Variants in TPTE observed in about 807,000 individuals in gnomAD.
TPTE encodes the protein transmembrane phosphatase with tensin homology, also known as putative tyrosine-protein phosphatase TPTE.
TPTE carries 59 observed loss-of-function variants against 84.1 expected under a neutral mutation model. The observed-to-expected ratio is 0.70, with a 90% confidence interval of 0.57 to 0.87. The LOEUF (loss-of-function observed/expected upper bound fraction) is 0.87, where lower values mean the gene tolerates loss of function less well. Ranked by LOEUF, TPTE falls within the 40% of genes least tolerant of loss-of-function variation. The pLI, the probability that TPTE is intolerant of heterozygous loss-of-function variation, is 0.00. For missense variants in TPTE, 382 were observed against 659.6 expected, an observed-to-expected ratio of 0.58 and a Z score of 4.61; for synonymous variants, 130 against 223.5, an observed-to-expected ratio of 0.58 and a Z score of 3.73.
chr21:10,537,844 T>G (rs1381026440), intron 3 of TPTE, among the ~76,000 whole-genome samples: 4 of 152,302 alleles, frequency 2.6e-5, no homozygotes, highest in Admixed American at 2.0e-4. Flanking sequence ...AGGTTGAGAT[T>G]AGGGAAGTTC....
At chr21:10,548,586 A>G (rs1447336216) in intron 7 of TPTE, among the ~76,000 whole-genome samples, 3 of 152,300 alleles carry the variant, frequency 2.0e-5, no homozygotes, top group African/African-American at 4.8e-5. Context: ...GACTACCCCC[A>G]GCAGACACAT....
At chr21:10,528,754 C>G (rs1239953593) in intron 3 of TPTE, among the ~76,000 whole-genome samples, 1 of 152,310 alleles carries the variant, frequency 6.6e-6, no homozygotes, top group East Asian at 1.9e-4. Context: ...AAAACAAGTG[C>G]TGCTGCTGTT....
rs753819099 is a variant in TPTE, at chr21:10,598,064, C to A, written c.1326C>A (p.Val442=). ...KIQIEMEKKV[V]FSTISLGKCS... ...AAATAGAAATGGAGAAAAAGGTTGTCTTTTCCACTATTTCATTAGGAAAAT... is the reference window on the plus strand; with the variant it reads ...AAATAGAAATGGAGAAAAAGGTTGTATTTTCCACTATTTCATTAGGAAAAT... The change falls in exon 21 of 24, where the codon GTC becomes GTA. Residue 442 remains valine, a synonymous_variant. Coordinates refer to ENST00000618007, the MANE Select transcript of TPTE (RefSeq NM_199261.4). 2 of 1,613,678 alleles carry A rather than the reference C, an allele frequency of 1.2e-6. No individual in the cohort carries two copies. Among genetic ancestry groups the A allele is most frequent in the African/African-American group, 1.3e-5 (1 of 74,954 alleles).
intron 18 of TPTE, 91 bp downstream of exon 18, chr21:10,590,614 A>G: frequency 1.3e-6 from 2 of 1,585,414 alleles, no homozygotes; most frequent in Non-Finnish European, 1.7e-6. Flanking sequence ...TGATTATTTT[A>G]GTCATGGTGC....
At chr21:10,578,315 A>G (rs370599260) in intron 15 of TPTE, 22 bp from the exon 16 acceptor site, 881 of 1,610,394 alleles carry the variant, frequency 5.5e-4, no homozygotes, top group Non-Finnish European at 7.0e-4. Context: ...TAGAGATATG[A>G]CATACATATT....
intron 14 of TPTE, among the ~76,000 whole-genome samples, chr21:10,571,460 A>T (rs2075041731): frequency 6.6e-6 from 1 of 152,306 alleles, no homozygotes; most frequent in African/African-American, 2.4e-5. Context: ...AAAAGCAAGG[A>T]AACATTACAC....
Position 10,542,524 on chromosome 21 carries a change from G to T in TPTE, c.119+76G>T, listed in dbSNP as rs1200352546. On this transcript the variant is annotated intron_variant, in intron 6 of 23. Transcript: ENST00000618007. ...TATACACACACAGGCACATGAGCAA[G>T]TATACCCCATCCATCCATCCATCCA... 2.0e-6 allele frequency: 3 copies of T among 1,536,550 alleles called. No homozygotes were observed. In the Admixed American group the frequency reaches 5.1e-5, roughly 26 times the overall value.
intron 21 of TPTE, among the ~76,000 whole-genome samples, chr21:10,600,104 A>G (rs1227740109): frequency 5.9e-5 from 6 of 101,774 alleles, no homozygotes; most frequent in African/African-American, 2.2e-4. Flanking sequence ...GCTGCCCGAC[A>G]TTATTTGTTG....
At chr21:10,548,862 G>C (rs1450817522) in intron 7 of TPTE, among the ~76,000 whole-genome samples, 6 of 152,308 alleles carry the variant, frequency 3.9e-5, no homozygotes, top group South Asian at 2.1e-4. Context: ...TCCTGGGCCT[G>C]AGAAACTGTC....
intron 2 of TPTE, among the ~76,000 whole-genome samples, chr21:10,525,067 A>T (rs1205597887): frequency 4.6e-5 from 7 of 152,302 alleles, no homozygotes; most frequent in African/African-American, 1.7e-4. Context: ...GCTCTGTTCA[A>T]GGATGGTAAG....
intron 1 of TPTE, among the ~76,000 whole-genome samples, chr21:10,523,297 G>A (rs2074017375): frequency 7.9e-6 from 1 of 127,218 alleles, no homozygotes; most frequent in Non-Finnish European, 1.8e-5. Context: ...ATGTATGGCA[G>A]AACAGTATTT....
At position 10,547,061 on chromosome 21, in the gene TPTE, C is replaced by A. The variant is rs796882485; in HGVS notation, c.173+3679C>A. Among the ~76,000 whole-genome samples, 3 of 152,426 alleles carry A rather than the reference C, an allele frequency of 2.0e-5. No individual in the cohort carries two copies. The East Asian group carries it at 5.8e-4, about 29-fold the overall frequency. ...GAGAAGTCAACGCATGGTTTCAAAT[C>A]TTCAAAGCACAGGCCAATTCTCTTG... is the stretch of plus-strand genomic sequence containing the variant. On this transcript the variant is annotated intron_variant, in intron 7 of 23. Coordinates refer to ENST00000618007, the MANE Select transcript of TPTE (RefSeq NM_199261.4).
intron 8 of TPTE, among the ~76,000 whole-genome samples, chr21:10,554,067 C>CT (rs56288650): frequency 1.4e-5 from 2 of 145,480 alleles, no homozygotes; most frequent in African/African-American, 2.5e-5. Flanking sequence ...TAAGCATATA[C>CT]TTTTTTTGTT....
chr21:10,540,945 C>T (rs1407842772), intron 4 of TPTE, among the ~76,000 whole-genome samples, 167 bp from the exon 5 acceptor site: 2 of 152,422 alleles, frequency 1.3e-5, no homozygotes, highest in South Asian at 2.1e-4. Flanking sequence ...TATGAAACCT[C>T]ATTTCTAATA....
At chr21:10,602,320 G>T (rs1452580207) in intron 22 of TPTE, among the ~76,000 whole-genome samples, 170 bp downstream of exon 22, 1 of 152,270 alleles carries the variant, frequency 6.6e-6, no homozygotes, top group Non-Finnish European at 1.5e-5. Flanking sequence ...AATAATTTTT[G>T]TTCATTTGTT....
At chr21:10,549,229 C>G (rs2074527640) in intron 7 of TPTE, among the ~76,000 whole-genome samples, 1 of 152,300 alleles carries the variant, frequency 6.6e-6, no homozygotes. Context: ...CAAATAAATT[C>G]ATACAATTTT....
At chr21:10,532,291 A>C (rs1474474114) in intron 3 of TPTE, among the ~76,000 whole-genome samples, 1 of 152,310 alleles carries the variant, frequency 6.6e-6, no homozygotes, top group African/African-American at 2.4e-5. Context: ...CTAAGTTTTC[A>C]CATTTATTAG....
At chr21:10,572,984 A>G (rs1267288514) in intron 14 of TPTE, among the ~76,000 whole-genome samples, 1 of 152,304 alleles carries the variant, frequency 6.6e-6, no homozygotes, top group African/African-American at 2.4e-5. Context: ...AGCCTCATCT[A>G]TTAATAGTAA....
At chr21:10,573,989 CA>C (rs1302733862) in intron 14 of TPTE, among the ~76,000 whole-genome samples, 1 of 152,308 alleles carries the variant, frequency 6.6e-6, no homozygotes, top group African/African-American at 2.4e-5. Flanking sequence ...AAATAAACTC[CA>C]ACTCTTGATG....
Sources: allele counts gnomAD v4.1 joint callset (sites outside exome capture counted in the v4.1 genomes callset), GRCh38; gene constraint gnomAD v4.1.1; transcripts MANE v1.5; gene names NCBI Gene and HGNC (gene_info 2026-07-23, HGNC 2026-07-21).